Variants in DISC1 observed in about 807,000 individuals in gnomAD.
DISC1 encodes the protein DISC1 scaffold protein.
In DISC1, 57 loss-of-function variants were observed where a neutral mutation model predicts 84.5. The ratio of observed to expected loss-of-function variants is 0.67; its 90% CI spans 0.55 to 0.84. The LOEUF is 0.84. DISC1 is among the 40% of genes least tolerant of loss of function. The pLI is 0.00. For synonymous variants in DISC1, 411 were observed against 415.2 expected, an observed-to-expected ratio of 0.99 and a Z score of 0.12; for missense variants, 1,000 against 1,057.8, an observed-to-expected ratio of 0.95 and a Z score of 0.76.
At chr1:231,809,429 G>A (rs1264651471) in intron 8 of DISC1, among the ~76,000 whole-genome samples, 3 of 144,588 alleles carry the variant, frequency 2.1e-5, no homozygotes, top group African/African-American at 5.2e-5. Flanking sequence ...CTGCCCCCTT[G>A]TTATCTGCTT....
chr1:231,966,049 G>A (rs979373660), intron 10 of DISC1, among the ~76,000 whole-genome samples: 2 of 152,214 alleles, frequency 1.3e-5, no homozygotes, highest in African/African-American at 4.8e-5. Flanking sequence ...TGTTTGGCAT[G>A]TAGTCAACAG....
chr1:231,962,000 T>G (rs1192423567), intron 10 of DISC1, among the ~76,000 whole-genome samples: 1 of 152,238 alleles, frequency 6.6e-6, no homozygotes, highest in Non-Finnish European at 1.5e-5. Context: ...CCACCAACAA[T>G]GTATAAGTGT....
chr1:231,926,308 A>G (rs184336294), intron 9 of DISC1, among the ~76,000 whole-genome samples: 39 of 152,322 alleles, frequency 2.6e-4, no homozygotes, highest in Non-Finnish European at 5.3e-4. Flanking sequence ...TCAAAACCCT[A>G]TCAAAAGTGG....
At chr1:231,823,561 C>A (rs1358892072) in intron 9 of DISC1, among the ~76,000 whole-genome samples, 1 of 152,198 alleles carries the variant, frequency 6.6e-6, no homozygotes, top group East Asian at 1.9e-4. Context: ...CTTCAAGACA[C>A]TTCTCTTGAA....
At chr1:231,731,690 G>C (rs2071535824) in intron 3 of DISC1, among the ~76,000 whole-genome samples, 1 of 152,156 alleles carries the variant, frequency 6.6e-6, no homozygotes, top group Non-Finnish European at 1.5e-5. Context: ...AATTAACTGA[G>C]AAGTGCCACC....
At chr1:231,947,315 C>A (rs1465550252) in intron 9 of DISC1, among the ~76,000 whole-genome samples, 1 of 152,130 alleles carries the variant, frequency 6.6e-6, no homozygotes, top group African/African-American at 2.4e-5. Context: ...CATCTACAAC[C>A]ATCTGATCTT....
intron 1 of DISC1, 100 bp from the exon 2 acceptor site, chr1:231,693,726 G>A: frequency 6.3e-7 from 1 of 1,577,496 alleles, no homozygotes; most frequent in Non-Finnish European, 8.6e-7. Context: ...CAGGTGTACT[G>A]AGAGATGACC....
chr1:231,871,556 C>G (rs1466501965), intron 9 of DISC1, among the ~76,000 whole-genome samples: 2 of 152,110 alleles, frequency 1.3e-5, no homozygotes, highest in Non-Finnish European at 2.9e-5. Context: ...GGCTTTTATT[C>G]CTGAAGTTCA....
intron 9 of DISC1, among the ~76,000 whole-genome samples, chr1:231,892,067 C>G (rs10465708): frequency 0.13 from 19,407 of 152,108 alleles, 1,394 homozygotes; most frequent in East Asian, 0.29. Context: ...TCCTGCCCCC[C>G]CACCACCTTA....
chr1:231,630,004 T>C lies in DISC1; in HGVS notation c.67+3070T>C, dbSNP rs2058578916. 1.3e-5 allele frequency among the ~76,000 whole-genome samples: 2 copies of C among 152,212 alleles called. No individual in the cohort carries two copies. The highest frequency in any genetic ancestry group is 2.1e-4 in the South Asian group (1 of 4,834). On this transcript the variant is annotated intron_variant, in intron 1 of 12. Coordinates refer to ENST00000439617, the MANE Select transcript of DISC1 (RefSeq NM_018662.3). This position sits in a 1 kb window ranked among gnomAD's most constrained non-coding sequence, Gnocchi z 4.4. Reference sequence around the variant, plus strand: ...TGGAGTGCAGTGGCACGATCTCGGCTCACTGCAACCTCTGCCTCCTGGGTT... The same window carrying C: ...TGGAGTGCAGTGGCACGATCTCGGCCCACTGCAACCTCTGCCTCCTGGGTT...
Position 231,662,456 on chromosome 1 carries a change from G to GC in DISC1, c.68-31365dup, listed in dbSNP as rs1326958053. On this transcript the variant is annotated intron_variant, in intron 1 of 12. Transcript: ENST00000439617. ...TAGAACCCTTGTTGGCGTGGCTGAA[G>GC]CCCCCACAGGGAGGTCCCTCCCAGT... Among the ~76,000 whole-genome samples the GC allele has an allele frequency of 4.6e-5, 7 of 152,348 alleles. No individual in the cohort carries two copies. In the South Asian group the frequency reaches 1.2e-3, roughly 27 times the overall value.
intron 9 of DISC1, among the ~76,000 whole-genome samples, chr1:231,827,621 C>A (rs971935499): frequency 1.3e-5 from 2 of 152,186 alleles, no homozygotes; most frequent in Admixed American, 6.5e-5. Flanking sequence ...TTTTCAGATT[C>A]TCTGAGCTCT....
At chr1:231,713,882 CTG>C (rs2068302998) in intron 3 of DISC1, among the ~76,000 whole-genome samples, 1 of 148,956 alleles carries the variant, frequency 6.7e-6, no homozygotes, top group Admixed American at 6.7e-5. Context: ...TCTGCTTTCA[CTG>C]TTGTTATTCA....
At chr1:231,966,059 G>C (rs2102792474) in intron 10 of DISC1, among the ~76,000 whole-genome samples, 1 of 152,322 alleles carries the variant, frequency 6.6e-6, no homozygotes, top group Middle Eastern at 3.4e-3. Flanking sequence ...GTAGTCAACA[G>C]ACAAATTGTA....
chr1:231,675,911 T>A lies in DISC1; in HGVS notation c.68-17915T>A, dbSNP rs1260206305. On this transcript the variant is annotated intron_variant, in intron 1 of 12. Transcript: ENST00000439617. This position sits in a 1 kb window ranked among gnomAD's most constrained non-coding sequence, Gnocchi z 4.1. ...TCGCCCAGGCTGGAATGCAATGATG[T>A]GATCTCGGGTCACTGCAACCTCCGC... is the stretch of plus-strand genomic sequence containing the variant. Among the ~76,000 whole-genome samples the A allele has an allele frequency of 6.6e-6, 1 of 151,656 alleles. No homozygotes were observed. The highest frequency in any genetic ancestry group is 1.5e-5 in the Non-Finnish European group (1 of 67,916).
chr1:231,673,581 G>A (rs2062831086), intron 1 of DISC1, among the ~76,000 whole-genome samples: 1 of 152,128 alleles, frequency 6.6e-6, no homozygotes, highest in African/African-American at 2.4e-5. Flanking sequence ...ATTCTGAATG[G>A]CTGTCAGATT....
At chr1:231,879,616 A>T (rs201335115) in intron 9 of DISC1, among the ~76,000 whole-genome samples, 45 of 151,604 alleles carry the variant, frequency 3.0e-4, no homozygotes, top group Admixed American at 7.9e-4. Context: ...AAAGAAGTAC[A>T]TGGACCCAGG....
At chr1:231,933,028 CA>C (rs1193090589) in intron 9 of DISC1, among the ~76,000 whole-genome samples, 1 of 152,174 alleles carries the variant, frequency 6.6e-6, no homozygotes, top group Non-Finnish European at 1.5e-5. Context: ...CGAGCATCAC[CA>C]TAGTGATGGT....
intron 3 of DISC1, among the ~76,000 whole-genome samples, chr1:231,732,684 A>G (rs960304140): frequency 5.9e-5 from 9 of 152,198 alleles, no homozygotes; most frequent in Non-Finnish European, 2.9e-5. Flanking sequence ...CTACTTGGAT[A>G]TGATCTAAGG....
Sources: gnomAD v4.1 joint callset for allele counts (sites outside exome capture counted in the v4.1 genomes callset) on GRCh38, gnomAD v4.1.1 for gene constraint, Gnocchi (gnomAD v3.1) non-coding constraint, MANE v1.5 for transcripts, NCBI Gene and HGNC (gene_info 2026-07-23, HGNC 2026-07-21) for gene names.